USP48: variants seen among roughly 807,000 people sequenced by gnomAD.
The protein encoded by USP48 is ubiquitin carboxyl-terminal hydrolase 48.
In USP48, 43 loss-of-function variants were observed where a neutral mutation model predicts 150.7. That is an observed-to-expected ratio of 0.29 (90% CI 0.22 to 0.37). The LOEUF (loss-of-function observed/expected upper bound fraction) is 0.37. USP48 is among the 10% of genes least tolerant of loss of function. USP48 has a pLI of 1.00. For synonymous variants in USP48, 396 were observed against 425.9 expected, an observed-to-expected ratio of 0.93 and a Z score of 0.86; for missense variants, 813 against 1,249.6, an observed-to-expected ratio of 0.65 and a Z score of 5.27.
chr1:21,704,967 A>G (rs2097667939), intron 19 of USP48, among the ~76,000 whole-genome samples: 1 of 152,132 alleles, frequency 6.6e-6, no homozygotes, highest in African/African-American at 2.4e-5. Flanking sequence ...GAGGGAGGAA[A>G]GAGAAGAGAG....
chr1:21,759,237 TCAAAA>T (rs2097844460), intron 1 of USP48, among the ~76,000 whole-genome samples: 1 of 138,164 alleles, frequency 7.2e-6, no homozygotes, highest in Non-Finnish European at 1.6e-5. Context: ...AACCCTAAAT[TCAAAA>T]CAGAGAAAAC....
At position 21,721,630 on chromosome 1, in the gene USP48, A is replaced by G. The variant is rs777561540; in HGVS notation, c.1763+20T>C. The G allele has an allele frequency of 6.8e-7, 1 of 1,461,706 alleles. No individual in the cohort carries two copies. Among genetic ancestry groups the G allele is most frequent in the South Asian group, 1.3e-5 (1 of 78,830 alleles). 90.5% of individuals were successfully genotyped at this position (1,461,706 alleles called of 1,614,324 possible). A position where few individuals can be genotyped will look rare whatever the true frequency, so the allele number is the denominator to read the frequency against. The stretch of plus-strand genomic sequence containing the variant: ...AAAACTTCTTAGTTTATCATTAACA[A>G]TGTACACTGTGCAACATACCCCTTT... On this transcript the variant is annotated intron_variant, in intron 13 of 26. Transcript: ENST00000308271.
At chr1:21,705,686 G>C in intron 19 of USP48, 41 bp downstream of exon 19, 1 of 1,419,874 alleles carries the variant, frequency 7.0e-7, no homozygotes, top group South Asian at 1.3e-5. Flanking sequence ...ATCAAAAAGA[G>C]AAAAGAAGAA....
chr1:21,757,747 A>G lies in USP48; in HGVS notation c.171T>C (p.Gly57=), dbSNP rs1343574496. The G allele has an allele frequency of 1.9e-6, 3 of 1,611,302 alleles. No individual in the cohort carries two copies. Among genetic ancestry groups the G allele is most frequent in the Non-Finnish European group, 2.5e-6 (3 of 1,179,204 alleles). The change falls in exon 2 of 27, where the codon GGT becomes GGC. Residue 57 remains glycine, a synonymous_variant. Coordinates refer to ENST00000308271, the MANE Select transcript of USP48 (RefSeq NM_032236.8). The part of the protein sequence containing the change: ...NCKGNPNCLV[G]IGEHIWLGEI... ...CTCCTAACCAAATATGCTCACCAATACCAACCAAGCAATTCGGATTTCCTT... is the reference window on the plus strand; with the variant it reads ...CTCCTAACCAAATATGCTCACCAATGCCAACCAAGCAATTCGGATTTCCTT...
At chr1:21,714,836 C>T (rs980698883) in intron 15 of USP48, among the ~76,000 whole-genome samples, 3 of 152,182 alleles carry the variant, frequency 2.0e-5, no homozygotes, top group Non-Finnish European at 4.4e-5. Context: ...AGCAGCTGGT[C>T]AATACACAAA....
intron 12 of USP48, among the ~76,000 whole-genome samples, chr1:21,722,543 A>G (rs965975442): frequency 7.2e-6 from 1 of 139,842 alleles, no homozygotes; most frequent in South Asian, 2.3e-4. Context: ...TGTCTCAGAG[A>G]AAAAAAAAAA....
In USP48 at chr1:21,680,845, G is replaced by GAAAA. The variant is rs768224241; in HGVS notation, c.3059-15_3059-12dup. The GAAAA allele has an allele frequency of 6.3e-7, 1 of 1,580,542 alleles. No individual in the cohort carries two copies. The highest frequency in any genetic ancestry group is 8.6e-7 in the Non-Finnish European group (1 of 1,166,640). ...CTTCTGGCATACAAACTGAAAAAAA[G>GAAAA]AAAAAAAGAAGAATTCCAAATTGAA... On this transcript the variant is annotated splice_polypyrimidine_tract_variant and intron_variant, in intron 25 of 26. Coordinates refer to ENST00000308271, the MANE Select transcript of USP48 (RefSeq NM_032236.8).
rs1271203135 is a variant in USP48 at position 21,782,961 on chromosome 1, C to G, written c.-4G>C. The G allele has an allele frequency of 2.1e-5, 32 of 1,535,600 alleles. No homozygotes were observed. The highest frequency in any genetic ancestry group is 2.8e-5 in the Non-Finnish European group (32 of 1,144,502). On this transcript the variant is annotated 5_prime_UTR_variant, in exon 1 of 27. Coordinates refer to ENST00000308271, the MANE Select transcript of USP48 (RefSeq NM_032236.8). ...CCAGCTGCAGCCGCGGGGCCATGGC[C>G]TTGGCCCCAGGAACGCCTCCCGAGC... is the stretch of plus-strand genomic sequence containing the variant.
chr1:21,701,481 G>C lies in USP48; in HGVS notation c.2727+17C>G. On this transcript the variant is annotated intron_variant, in intron 22 of 26. Transcript: ENST00000308271. ...ACAGCAGAAAGTATAACAATGAAAA[G>C]CAGCTTCAACACATACTTGATTAAA... 1 of 1,606,818 alleles carries C rather than the reference G, an allele frequency of 6.2e-7. No homozygotes were observed. The highest frequency in any genetic ancestry group is 8.5e-7 in the Non-Finnish European group (1 of 1,173,798).
chr1:21,721,573 TA>T, intron 13 of USP48, 76 bp downstream of exon 13: 1 of 936,472 alleles, frequency 1.1e-6, no homozygotes, highest in Non-Finnish European at 1.5e-6. Context: ...CTATTTTTAA[TA>T]AATAACGAGA....
chr1:21,763,168 C>G (rs745334104), intron 1 of USP48, among the ~76,000 whole-genome samples: 10 of 152,200 alleles, frequency 6.6e-5, no homozygotes, highest in African/African-American at 9.6e-5. Flanking sequence ...TGGGAGCAAT[C>G]TGTATTATTA....
intron 1 of USP48, among the ~76,000 whole-genome samples, chr1:21,781,106 G>A (rs981041662): frequency 6.7e-6 from 1 of 148,988 alleles, no homozygotes; most frequent in Non-Finnish European, 1.5e-5. Flanking sequence ...AGCGTCTCAC[G>A]ACGCTGTCTC....
intron 11 of USP48, among the ~76,000 whole-genome samples, chr1:21,726,880 T>A (rs952476244): frequency 4.0e-5 from 6 of 151,830 alleles, no homozygotes; most frequent in Admixed American, 2.6e-4. Flanking sequence ...ATATGAAACC[T>A]CAGCATTTGA....
chr1:21,747,060 A>G lies in USP48; in HGVS notation c.991+7T>C. ...TTATAATGTTTACTCCTCAGTAAAA[A>G]TATTACCTTTATGTTCCACATAAGG... On this transcript the variant is annotated splice_region_variant and intron_variant, in intron 8 of 26. Transcript: ENST00000308271. 1 of 1,598,382 alleles carries G rather than the reference A, an allele frequency of 6.3e-7. No homozygotes were observed. Among genetic ancestry groups the G allele is most frequent in the Non-Finnish European group, 8.5e-7 (1 of 1,170,924 alleles).
intron 8 of USP48, among the ~76,000 whole-genome samples, chr1:21,738,171 C>T (rs1557535485): frequency 6.6e-6 from 1 of 150,988 alleles, no homozygotes; most frequent in Non-Finnish European, 1.5e-5. Flanking sequence ...GATTCTCCTG[C>T]CCCAGCCTCC....
At chr1:21,753,364 C>G (rs941329912) in intron 3 of USP48, among the ~76,000 whole-genome samples, 1 of 151,488 alleles carries the variant, frequency 6.6e-6, no homozygotes, top group African/African-American at 2.4e-5. Context: ...CAAGCCTGGC[C>G]AATATGGAGA....
At chr1:21,758,225 G>C (rs987831676) in intron 1 of USP48, among the ~76,000 whole-genome samples, 5 of 94,542 alleles carry the variant, frequency 5.3e-5, no homozygotes, top group African/African-American at 1.5e-4. Flanking sequence ...CACACACACA[G>C]CATGAAAAAG....
intron 1 of USP48, among the ~76,000 whole-genome samples, chr1:21,759,313 G>T (rs562410774): frequency 8.6e-5 from 13 of 151,984 alleles, no homozygotes; most frequent in Admixed American, 7.2e-4. Flanking sequence ...GAGGGAGAGG[G>T]AGGGGGTGTG....
At chr1:21,688,760 T>C (rs999763264) in intron 24 of USP48, among the ~76,000 whole-genome samples, 1 of 149,474 alleles carries the variant, frequency 6.7e-6, no homozygotes, top group African/African-American at 2.5e-5. Context: ...GGAGAACTGC[T>C]TGAATCTGGG....
Sources: gnomAD v4.1 joint callset for allele counts (sites outside exome capture counted in the v4.1 genomes callset) on GRCh38, gnomAD v4.1.1 for gene constraint, MANE v1.5 for transcripts, NCBI Gene and HGNC (gene_info 2026-07-23, HGNC 2026-07-21) for gene names.